The following CLCN4 variants were observed in gnomAD, a reference collection of about 807,000 sequenced individuals.
CLCN4 encodes the protein Cl-/H+ antiporter 4.
CLCN4 carries 1 observed loss-of-function variant against 41.7 expected under a neutral mutation model. That is an observed-to-expected ratio of 0.02 (90% CI 0.01 to 0.11). CLCN4 has a LOEUF of 0.11. Ranked by LOEUF, CLCN4 falls within the 10% of genes least tolerant of loss-of-function variation. The pLI, the probability that CLCN4 is intolerant of heterozygous loss-of-function variation, is 1.00. For synonymous variants in CLCN4, 277 were observed against 285.8 expected (o/e 0.97, Z 0.31); for missense variants, 287 against 661.0 (o/e 0.43, Z 6.20).
intron 2 of CLCN4, among the ~76,000 whole-genome samples, chrX:10,169,500 A>AAAAC (rs751888999): frequency 1.2e-4 from 13 of 109,665 alleles, no homozygotes; most frequent in East Asian, 5.6e-4. Flanking sequence ...TGAATTCAGA[A>AAAAC]AAACAAACAA....
In CLCN4 at chrX:10,196,992, G is replaced by A. The variant is rs185793938; in HGVS notation, c.433-947G>A. On this transcript the variant is annotated intron_variant, in intron 5 of 12. Coordinates refer to ENST00000380833, the MANE Select transcript of CLCN4 (RefSeq NM_001830.4). ...GGGTGTGAATATATGTGCTTGTAAAGGCCAGAGCAGTCTCCTGGAACGTGT... is the reference window on the plus strand; with the variant it reads ...GGGTGTGAATATATGTGCTTGTAAAAGCCAGAGCAGTCTCCTGGAACGTGT... 3.1e-3 allele frequency among the ~76,000 whole-genome samples: 348 copies of A among 112,323 alleles called. 1 individual carries two copies. Among genetic ancestry groups the A allele is most frequent in the African/African-American group, 0.01 (324 of 30,917 alleles).
Position 10,206,755 on chromosome X carries a change from C to T in CLCN4, c.822C>T (p.Gly274=), listed in dbSNP as rs748967139. 4.5e-5 allele frequency: 54 copies of T among 1,201,820 alleles called. No homozygotes were observed. The highest frequency in any genetic ancestry group is 2.3e-4 in the Middle Eastern group (1 of 4,301). Residue 274 remains glycine (G), a synonymous_variant, in exon 8 of 13, where the codon GGC becomes GGT. Coordinates refer to ENST00000380833, the MANE Select transcript of CLCN4 (RefSeq NM_001830.4). The part of the protein sequence containing the change: ...VSVAFGAPIG[G]VLFSLEEVSY... The stretch of plus-strand genomic sequence containing the variant: ...TTGCCTTTGGTGCACCAATTGGAGG[C>T]GTGCTTTTCAGTCTAGAAGAGGTGA...
At chrX:10,216,918 T>TATATATATATATATACACACAC (rs773265490) in intron 11 of CLCN4, among the ~76,000 whole-genome samples, 21 of 38,929 alleles carry the variant, frequency 5.4e-4, no homozygotes, top group African/African-American at 1.4e-3. Context: ...TATATATATA[T>TATATATATATATATACACACAC]ACACACACAC....
chrX:10,233,791 G>A lies in CLCN4; in HGVS notation c.*207G>A, dbSNP rs930906137. 1.3e-5 allele frequency: 5 copies of A among 394,732 alleles called. No individual in the cohort carries two copies. Among genetic ancestry groups the A allele is most frequent in the African/African-American group, 1.0e-4 (4 of 39,207 alleles). The allele number at this position is 394,732 out of a possible 1,213,427, so 32.5% of individuals were successfully genotyped here. A position where few individuals can be genotyped will look rare whatever the true frequency, so the allele number is the denominator to read the frequency against. On this transcript the variant is annotated 3_prime_UTR_variant, in exon 13 of 13. Coordinates refer to ENST00000380833, the MANE Select transcript of CLCN4 (RefSeq NM_001830.4). ...GCATTTTATAGCTTTAACCCCGTAT[G>A]AGTTTCAAGCTGTGTTTCCTAATGA... is the stretch of plus-strand genomic sequence containing the variant.
intron 5 of CLCN4, among the ~76,000 whole-genome samples, chrX:10,196,980 T>G (rs1481643542): frequency 8.9e-6 from 1 of 112,468 alleles, no homozygotes; most frequent in Admixed American, 9.4e-5. Context: ...TGTGAATATA[T>G]GTGCTTGTAA....
chrX:10,212,409 C>G lies in CLCN4; in HGVS notation c.1390-58C>G, dbSNP rs1989890. On this transcript the variant is annotated intron_variant, in intron 9 of 12. Transcript: ENST00000380833. Reference sequence around the variant, plus strand: ...GAGGGGGAATGTGTTTCTTGGGGGTCGTGAAGCGGGGACTTGGTCTTTTTC... The same window carrying G: ...GAGGGGGAATGTGTTTCTTGGGGGTGGTGAAGCGGGGACTTGGTCTTTTTC... The G allele has an allele frequency of 2.9e-5, 32 of 1,099,877 alleles. No individual in the cohort carries two copies. In the African/African-American group the frequency reaches 5.3e-4, roughly 18 times the overall value. The allele number at this position is 1,099,877 out of a possible 1,213,427, so 90.6% of individuals were successfully genotyped here.
At chrX:10,180,882 C>A (rs1455694030) in intron 2 of CLCN4, among the ~76,000 whole-genome samples, 1 of 109,931 alleles carries the variant, frequency 9.1e-6, no homozygotes, top group Non-Finnish European at 1.9e-5. Context: ...GAGAGAGAGG[C>A]CTGGGAACCC....
chrX:10,188,801 G>A (rs958158184), intron 4 of CLCN4, among the ~76,000 whole-genome samples: 5 of 112,165 alleles, frequency 4.5e-5, no homozygotes, highest in African/African-American at 1.6e-4. Context: ...GATTCCAGGG[G>A]CTTTCAGTTT....
intron 2 of CLCN4, among the ~76,000 whole-genome samples, chrX:10,174,912 C>T (rs775775316): frequency 7.1e-5 from 8 of 112,196 alleles, no homozygotes; most frequent in Non-Finnish European, 1.1e-4. Flanking sequence ...GTAGATTTAC[C>T]AAAGAATTCT....
At chrX:10,204,433 A>T (rs1023812862) in intron 6 of CLCN4, among the ~76,000 whole-genome samples, 12 of 111,216 alleles carry the variant, frequency 1.1e-4, no homozygotes, top group Non-Finnish European at 3.8e-5. Flanking sequence ...CTACTGTTGT[A>T]TTAAGAATAT....
intron 11 of CLCN4, among the ~76,000 whole-genome samples, chrX:10,216,058 T>G (rs1398427964): frequency 8.9e-6 from 1 of 111,759 alleles, no homozygotes; most frequent in Admixed American, 9.5e-5. Context: ...AGGAATCTTG[T>G]GCCATTTTAT....
At chrX:10,170,288 AT>A (rs751547508) in intron 2 of CLCN4, among the ~76,000 whole-genome samples, 1 of 111,920 alleles carries the variant, frequency 8.9e-6, no homozygotes, top group East Asian at 2.8e-4. Flanking sequence ...CAAACACTTC[AT>A]TTTATGCAGG....
chrX:10,201,051 AT>A lies in CLCN4; in HGVS notation c.555+2991del, dbSNP rs374984823. On this transcript the variant is annotated intron_variant, in intron 6 of 12. Coordinates refer to ENST00000380833, the MANE Select transcript of CLCN4 (RefSeq NM_001830.4). The stretch of plus-strand genomic sequence containing the variant: ...ACATAGACATGGATGAAATTAAAAA[AT>A]GTGATGTTAAGTGAAAAAGCAAGTT... Among the ~76,000 whole-genome samples, 702 of 112,551 alleles carry A rather than the reference AT, an allele frequency of 6.2e-3. 7 individuals carry two copies. The highest frequency in any genetic ancestry group is 0.021 in the African/African-American group (655 of 30,988).
At chrX:10,179,063 T>C (rs2077530) in intron 2 of CLCN4, among the ~76,000 whole-genome samples, 39,615 of 110,814 alleles carry the variant, frequency 0.36, 5,798 homozygotes, top group African/African-American at 0.55. Flanking sequence ...GTTTTCATTT[T>C]GCTGACACTG....
rs1289784208 is a variant in CLCN4 at position 10,219,854 on chromosome X, C to T, written c.1976-807C>T. 2.3e-4 allele frequency among the ~76,000 whole-genome samples: 26 copies of T among 111,994 alleles called. No homozygotes were observed. The Admixed American group carries it at 2.5e-3, about 11-fold the overall frequency. ...TCGCCTTGGAGAAATATCTTGAGAC[C>T]GATGGATTTATTTCATGTGTGGCTT... On this transcript the variant is annotated intron_variant, in intron 11 of 12. Coordinates refer to ENST00000380833, the MANE Select transcript of CLCN4 (RefSeq NM_001830.4).
chrX:10,229,655 T>A (rs1925078131), intron 12 of CLCN4, among the ~76,000 whole-genome samples: 1 of 110,150 alleles, frequency 9.1e-6, no homozygotes, highest in African/African-American at 3.3e-5. Flanking sequence ...TTTGTTTTTT[T>A]GTCCTTGTGA....
chrX:10,206,984 A>G (rs1378906565), intron 8 of CLCN4, among the ~76,000 whole-genome samples: 1 of 110,231 alleles, frequency 9.1e-6, no homozygotes, highest in African/African-American at 3.3e-5. Context: ...CAATGGCGCA[A>G]TCTTGGCTCA....
intron 6 of CLCN4, 66 bp from the exon 7 acceptor site, chrX:10,206,292 A>G: frequency 1.2e-6 from 1 of 837,375 alleles, no homozygotes; most frequent in Non-Finnish European, 1.8e-6. Context: ...CAGAGGAATT[A>G]TAGCTCTTTT....
In CLCN4 at chrX:10,216,897, GTATA is replaced by G. The variant is rs1555977625; in HGVS notation, c.1975+2837_1975+2840del. On this transcript the variant is annotated intron_variant, in intron 11 of 12. Transcript: ENST00000380833. ...GTTGGGGATGTGTGTGTGTGTGTGT[GTATA>G]TATATATATATATATATACACACAC... Among the ~76,000 whole-genome samples, 33 of 20,828 alleles carry G rather than the reference GTATA, an allele frequency of 1.6e-3. 3 individuals carry two copies. The highest frequency in any genetic ancestry group is 2.3e-3 in the Non-Finnish European group (25 of 10,922). 18.1% of individuals were successfully genotyped at this position (20,828 alleles called of 115,157 possible).
Sources: gnomAD v4.1 joint callset for allele counts (sites outside exome capture counted in the v4.1 genomes callset) on GRCh38, gnomAD v4.1.1 for gene constraint, MANE v1.5 for transcripts, NCBI Gene and HGNC (gene_info 2026-07-23, HGNC 2026-07-21) for gene names.